The following ARHGAP24 variants were observed in gnomAD, a reference collection of about 807,000 sequenced individuals.
The protein encoded by ARHGAP24 is Rho GTPase activating protein 24.
In ARHGAP24, 50 loss-of-function variants were observed where a neutral mutation model predicts 76.4. The observed-to-expected ratio is 0.65, with a 90% CI of 0.52 to 0.83. The LOEUF (loss-of-function observed/expected upper bound fraction) is 0.83, where lower values mean the gene tolerates loss of function less well. Among genes scored for constraint, ARHGAP24 ranks in the 40% least tolerant of loss-of-function variants. ARHGAP24 has a pLI of 0.00. For synonymous variants in ARHGAP24, 345 were observed against 323.3 expected, an observed-to-expected ratio of 1.07 and a Z score of -0.72; for missense variants, 930 against 914.2, an observed-to-expected ratio of 1.02 and a Z score of -0.22.
At chr4:85,677,544 A>G (rs975724945) in intron 2 of ARHGAP24, among the ~76,000 whole-genome samples, 1 of 152,238 alleles carries the variant, frequency 6.6e-6, no homozygotes, top group African/African-American at 2.4e-5. Flanking sequence ...GTTTTTAACC[A>G]TGAACAGTTA....
At chr4:85,546,916 C>T (rs1314370836) in intron 1 of ARHGAP24, among the ~76,000 whole-genome samples, 1 of 152,058 alleles carries the variant, frequency 6.6e-6, no homozygotes, top group Non-Finnish European at 1.5e-5. Context: ...TAATATGTCT[C>T]TATGTATTTA....
chr4:85,812,489 A>G (rs1408287290), intron 3 of ARHGAP24, among the ~76,000 whole-genome samples: 1 of 152,156 alleles, frequency 6.6e-6, no homozygotes, highest in African/African-American at 2.4e-5. Context: ...AATCTAACCC[A>G]ACATTTGAAA....
At chr4:85,865,216 A>C (rs1732126758) in intron 3 of ARHGAP24, among the ~76,000 whole-genome samples, 1 of 150,912 alleles carries the variant, frequency 6.6e-6, no homozygotes, top group African/African-American at 2.5e-5. Context: ...TCATTTTATA[A>C]ATAAAAAACT....
At chr4:85,832,359 C>T (rs975219480) in intron 3 of ARHGAP24, among the ~76,000 whole-genome samples, 9 of 152,042 alleles carry the variant, frequency 5.9e-5, no homozygotes, top group Non-Finnish European at 8.8e-5. Flanking sequence ...GCTCTGGATT[C>T]GTTGGTTTGC....
chr4:85,638,665 G>A lies in ARHGAP24; in HGVS notation c.180+67944G>A, dbSNP rs1578099013. Among the ~76,000 whole-genome samples, 4 of 152,216 alleles carry A rather than the reference G, an allele frequency of 2.6e-5. No individual in the cohort carries two copies. The South Asian group carries it at 8.3e-4, about 32-fold the overall frequency. ...ATATGTTGGGCACCTTATCAGGCTGGATCAGTGAGAATGAAGAGTCTCCAG... is the reference window on the plus strand; with the variant it reads ...ATATGTTGGGCACCTTATCAGGCTGAATCAGTGAGAATGAAGAGTCTCCAG... On this transcript the variant is annotated intron_variant, in intron 2 of 9. Transcript: ENST00000395184.
chr4:85,543,631 A>G (rs1725795042), intron 1 of ARHGAP24, among the ~76,000 whole-genome samples: 2 of 152,140 alleles, frequency 1.3e-5, no homozygotes, highest in Non-Finnish European at 2.9e-5. Context: ...TGTGTTTATG[A>G]TAGTGTTAAT....
At position 85,923,577 on chromosome 4, in the gene ARHGAP24, G is replaced by T. The variant is rs1263408978; in HGVS notation, c.269-71G>T. 4 of 1,603,808 alleles carry T rather than the reference G, an allele frequency of 2.5e-6. No individual in the cohort carries two copies. In the African/African-American group the frequency reaches 4.0e-5, roughly 16 times the overall value. On this transcript the variant is annotated intron_variant, in intron 3 of 9. Transcript: ENST00000395184. ...ATTAGGCACAGTCTCTGTTTCAGGG[G>T]TTCTTCTGGAGGCTGATCATGAGGA...
At position 85,724,489 on chromosome 4, in the gene ARHGAP24, GTGTATATA is replaced by G. The variant is rs1412249673; in HGVS notation, c.268+2519_268+2526del. Among the ~76,000 whole-genome samples, 654 of 131,442 alleles carry G rather than the reference GTGTATATA, an allele frequency of 5.0e-3. 15 individuals carry two copies. The highest frequency in any genetic ancestry group is 0.02 in the East Asian group (54 of 2,638). 86.2% of individuals were successfully genotyped at this position (131,442 alleles called of 152,430 possible). On this transcript the variant is annotated intron_variant, in intron 3 of 9. Transcript: ENST00000395184. ...GTATGTCCTTATAATTTTTCCATGT[GTGTATATA>G]TATATATATATATATATATATATAT... is the stretch of plus-strand genomic sequence containing the variant.
chr4:85,719,632 T>C (rs1724855364), intron 2 of ARHGAP24, among the ~76,000 whole-genome samples: 1 of 152,240 alleles, frequency 6.6e-6, no homozygotes, highest in South Asian at 2.1e-4. Context: ...TTTTTAACAC[T>C]GGCTTCATTA....
intron 5 of ARHGAP24, among the ~76,000 whole-genome samples, chr4:85,963,529 C>T (rs974502118): frequency 3.3e-5 from 5 of 152,004 alleles, no homozygotes; most frequent in Admixed American, 3.3e-4. Context: ...TTTAAGGAAA[C>T]TTTTCTGAAT....
At chr4:85,909,768 G>T (rs934498054) in intron 3 of ARHGAP24, among the ~76,000 whole-genome samples, 17 of 152,198 alleles carry the variant, frequency 1.1e-4, no homozygotes, top group Non-Finnish European at 1.9e-4. Context: ...TTTAATGAGG[G>T]TGTCTAGAAA....
At chr4:85,927,846 CTT>C (rs1736099579) in intron 4 of ARHGAP24, among the ~76,000 whole-genome samples, 1 of 152,202 alleles carries the variant, frequency 6.6e-6, no homozygotes, top group Non-Finnish European at 1.5e-5. Context: ...AATATTCCCT[CTT>C]TGCCATTACA....
intron 3 of ARHGAP24, among the ~76,000 whole-genome samples, chr4:85,790,013 AT>A (rs894231908): frequency 1.1e-4 from 17 of 151,914 alleles, no homozygotes; most frequent in Non-Finnish European, 2.2e-4. Context: ...GTACATTACA[AT>A]TTTTTTTATT....
chr4:85,482,788 G>A (rs1722866437), intron 1 of ARHGAP24, among the ~76,000 whole-genome samples: 1 of 152,174 alleles, frequency 6.6e-6, no homozygotes, highest in Admixed American at 6.5e-5. Context: ...GTTCCTACAT[G>A]AGCCCTATCT....
At chr4:85,990,756 T>A (rs1197279703) in intron 8 of ARHGAP24, 10 of 151,874 alleles carry the variant, frequency 6.6e-5, no homozygotes, top group Non-Finnish European at 1.2e-4. Context: ...TTGCCTCACA[T>A]CACATACAAA....
intron 3 of ARHGAP24, among the ~76,000 whole-genome samples, chr4:85,890,416 T>A (rs1477605015): frequency 6.6e-6 from 1 of 152,062 alleles, no homozygotes; most frequent in Non-Finnish European, 1.5e-5. Flanking sequence ...ACTAACAGCC[T>A]GGTAGGAGAG....
chr4:85,660,994 T>A (rs1722362320), intron 2 of ARHGAP24, among the ~76,000 whole-genome samples: 1 of 152,178 alleles, frequency 6.6e-6, no homozygotes, highest in Admixed American at 6.5e-5. Context: ...GAAGCATGCA[T>A]CTTCCTTTTC....
intron 3 of ARHGAP24, among the ~76,000 whole-genome samples, chr4:85,821,974 T>G (rs940868370): frequency 6.6e-6 from 1 of 152,162 alleles, no homozygotes; most frequent in Non-Finnish European, 1.5e-5. Flanking sequence ...GTTTTGAAAA[T>G]ATTACAGGTT....
At chr4:85,930,624 G>T (rs1389781272) in intron 4 of ARHGAP24, 1 of 1,081,054 alleles carries the variant, frequency 9.3e-7, no homozygotes, top group East Asian at 7.3e-5. Flanking sequence ...ATGGTAGCTT[G>T]CTTGCTGCAG....
Sources: allele counts gnomAD v4.1 joint callset (sites outside exome capture counted in the v4.1 genomes callset), GRCh38; gene constraint gnomAD v4.1.1; transcripts MANE v1.5; gene names NCBI Gene and HGNC (gene_info 2026-07-23, HGNC 2026-07-21).